The following DYNC2LI1 variants were observed in gnomAD, a reference collection of about 807,000 sequenced individuals.
The protein encoded by DYNC2LI1 is dynein cytoplasmic 2 light intermediate chain 1, also known as cytoplasmic dynein 2 light intermediate chain 1.
In DYNC2LI1, 45 loss-of-function variants were observed where a neutral mutation model predicts 51.9. That is an observed-to-expected ratio of 0.87 (90% CI 0.68 to 1.11). The LOEUF (loss-of-function observed/expected upper bound fraction) is 1.11, where lower values mean the gene tolerates loss of function less well. Ranked by LOEUF, DYNC2LI1 falls within the 50% of genes most tolerant of loss-of-function variation. The probability of loss-of-function intolerance (pLI) is 0.00; values close to 1 mark genes in which losing one functional copy is unlikely to be tolerated. For synonymous variants in DYNC2LI1, 130 were observed against 137.8 expected (o/e 0.94, Z 0.40); for missense variants, 490 against 417.4 (o/e 1.17, Z -1.51).
chr2:43,779,406 C>G (rs1357062432), intron 2 of DYNC2LI1, among the ~76,000 whole-genome samples: 1 of 152,260 alleles, frequency 6.6e-6, no homozygotes, highest in African/African-American at 2.4e-5. Flanking sequence ...GCTGCCTTCT[C>G]TTTCTCCTTC....
intron 12 of DYNC2LI1, 114 bp from the exon 13 acceptor site, chr2:43,809,591 A>G (rs964723440): frequency 2.8e-6 from 2 of 705,564 alleles, no homozygotes; most frequent in Non-Finnish European, 4.9e-6. Flanking sequence ...ATTTAGAATG[A>G]TAATGCTACT....
At chr2:43,820,820 A>AT in the DYNC2LI1 span, among the ~76,000 whole-genome samples, 6 of 152,030 alleles carry the variant, frequency 3.9e-5, no homozygotes, top group Non-Finnish European at 5.9e-5. Context: ...CACCCAGCTA[A>AT]TTTTTTTGTA....
Position 43,789,640 on chromosome 2 carries a change from A to G in DYNC2LI1, c.239A>G (p.Asp80Gly), listed in dbSNP as rs748116445. ...RRAKGHNTPK[D>G]IAHFWELGGG... The stretch of plus-strand genomic sequence containing the variant: ...AAAATTTTTGTTTTTCAGCCAAAAG[A>G]TATCGCTCACTTTTGGGAACTCGGT... Residue 80 changes from aspartate (D) to glycine (G), a missense_variant, in exon 5 of 13, where the codon GAT becomes GGT. Asp to Gly is a moderately conservative substitution (Grantham distance 94, BLOSUM62 -1). Transcript: ENST00000260605. 3.7e-6 allele frequency: 6 copies of G among 1,613,682 alleles called. No individual in the cohort carries two copies. The highest frequency in any genetic ancestry group is 1.1e-5 in the South Asian group (1 of 90,978).
At chr2:43,813,839 T>G (rs1201525945), downstream of DYNC2LI1, among the ~76,000 whole-genome samples, 2 of 148,780 alleles carry the variant, frequency 1.3e-5, no homozygotes, top group African/African-American at 4.9e-5. Context: ...TGCTTCAGCC[T>G]CCTGTGTAGC....
intron 2 of DYNC2LI1, among the ~76,000 whole-genome samples, chr2:43,778,218 C>T (rs1328510580): frequency 6.6e-6 from 1 of 152,172 alleles, no homozygotes; most frequent in Non-Finnish European, 1.5e-5. Context: ...GGCTAGAGTG[C>T]AGTGGTGCGA....
chr2:43,779,133 C>T (rs1335170303), intron 2 of DYNC2LI1, among the ~76,000 whole-genome samples: 2 of 152,088 alleles, frequency 1.3e-5, no homozygotes, highest in Non-Finnish European at 2.9e-5. Context: ...GTGGCACTCA[C>T]CTGTATGTAG....
chr2:43,806,152 G>C (rs1254088819), intron 12 of DYNC2LI1, among the ~76,000 whole-genome samples: 1 of 152,148 alleles, frequency 6.6e-6, no homozygotes, highest in Admixed American at 6.5e-5. Context: ...AAAGTGCTGG[G>C]ATTACAGGCA....
the DYNC2LI1 span, among the ~76,000 whole-genome samples, chr2:43,825,279 C>G: frequency 1.3e-5 from 2 of 152,180 alleles, no homozygotes; most frequent in Non-Finnish European, 2.9e-5. Flanking sequence ...CATCCTGACG[C>G]CCAGCTTCAT....
chr2:43,793,150 C>T, intron 5 of DYNC2LI1: 1 of 156,580 alleles, frequency 6.4e-6, no homozygotes, highest in East Asian at 1.9e-4. Flanking sequence ...TCTCTGTATC[C>T]TCACTAATAC....
the DYNC2LI1 span, among the ~76,000 whole-genome samples, chr2:43,820,626 T>G: frequency 6.6e-6 from 1 of 152,312 alleles, no homozygotes; most frequent in South Asian, 2.1e-4. Context: ...TCTTGTCTTT[T>G]ATTCTACCAA....
At chr2:43,791,732 C>T (rs1005957533) in intron 5 of DYNC2LI1, among the ~76,000 whole-genome samples, 18 of 152,126 alleles carry the variant, frequency 1.2e-4, no homozygotes, top group African/African-American at 4.1e-4. Flanking sequence ...AACAATATTG[C>T]CAAATACTGT....
At chr2:43,826,297 G>C in the DYNC2LI1 span, 11 of 1,596,528 alleles carry the variant, frequency 6.9e-6, no homozygotes, top group Non-Finnish European at 8.5e-6. Context: ...ACTGTGCCTG[G>C]CCACTGGTAC....
At chr2:43,819,925 C>CAGATCCAACA in the DYNC2LI1 span, 1 of 1,614,076 alleles carries the variant, frequency 6.2e-7, no homozygotes, top group Middle Eastern at 1.6e-4. Context: ...CTGAGGAATC[C>CAGATCCAACA]AGATCCAACA....
the DYNC2LI1 span, among the ~76,000 whole-genome samples, chr2:43,827,432 G>C: frequency 6.6e-6 from 1 of 152,078 alleles, no homozygotes; most frequent in South Asian, 2.1e-4. Context: ...CTACCACAGT[G>C]CAAAGAAAGG....
the DYNC2LI1 span, among the ~76,000 whole-genome samples, chr2:43,820,330 C>T: frequency 6.6e-6 from 1 of 152,196 alleles, no homozygotes; most frequent in African/African-American, 2.4e-5. Flanking sequence ...TTTTCCCTTT[C>T]ACGGCTCCTT....
intron 7 of DYNC2LI1, 152 bp downstream of exon 7, chr2:43,796,110 G>A (rs574677240): frequency 1.6e-6 from 1 of 624,692 alleles, no homozygotes; most frequent in Non-Finnish European, 2.8e-6. Flanking sequence ...AGACATAGTT[G>A]GGACAGAAAA....
rs544639319 is a variant in DYNC2LI1, at chr2:43,789,644, C to T, written c.243C>T (p.Ile81=). The change falls in exon 5 of 13, where the codon ATC becomes ATT. Residue 81 remains isoleucine (I), a synonymous_variant. Coordinates refer to ENST00000260605, the MANE Select transcript of DYNC2LI1 (RefSeq NM_016008.4). ...RAKGHNTPKD[I]AHFWELGGGT... is the part of the protein sequence containing the mutation. ...TTTTTGTTTTTCAGCCAAAAGATAT[C>T]GCTCACTTTTGGGAACTCGGTGGAG... 3.1e-5 allele frequency: 50 copies of T among 1,613,446 alleles called. No homozygotes were observed. Among genetic ancestry groups the T allele is most frequent in the East Asian group, 2.5e-4 (11 of 44,838 alleles).
At chr2:43,790,663 A>T (rs1040426775) in intron 5 of DYNC2LI1, among the ~76,000 whole-genome samples, 1 of 152,222 alleles carries the variant, frequency 6.6e-6, no homozygotes, top group African/African-American at 2.4e-5. Context: ...AGGAACCAGA[A>T]TCACATTAAA....
intron 10 of DYNC2LI1, among the ~76,000 whole-genome samples, chr2:43,802,680 G>A (rs867991152): frequency 9.9e-5 from 15 of 152,012 alleles, no homozygotes; most frequent in East Asian, 7.7e-4. Context: ...AAATCATGGC[G>A]CCTAGATCTC....
Sources: gnomAD v4.1 joint callset for allele counts (sites outside exome capture counted in the v4.1 genomes callset) on GRCh38, gnomAD v4.1.1 for gene constraint, MANE v1.5 for transcripts, NCBI Gene and HGNC (gene_info 2026-07-23, HGNC 2026-07-21) for gene names.